Variants in EPHA6 observed in about 807,000 individuals in gnomAD.
The protein encoded by EPHA6 is ephrin type-A receptor 6.
A neutral mutation model predicts 112.0 loss-of-function variants in EPHA6; 50 were observed. The observed-to-expected ratio is 0.45, with a 90% CI of 0.36 to 0.56. The LOEUF is 0.56. EPHA6 is among the 20% of genes least tolerant of loss of function. EPHA6 has a pLI of 0.00. For missense variants in EPHA6, 1,280 were observed against 1,417.4 expected (o/e 0.90, Z 1.56); for synonymous variants, 529 against 490.7 (o/e 1.08, Z -1.03).
chr3:97,003,570 G>T (rs1427818343), intron 3 of EPHA6, among the ~76,000 whole-genome samples: 1 of 152,152 alleles, frequency 6.6e-6, no homozygotes, highest in Non-Finnish European at 1.5e-5. Flanking sequence ...AGGCTGACTT[G>T]TAGGATACAA....
At chr3:97,101,115 C>A (rs904223001) in intron 3 of EPHA6, among the ~76,000 whole-genome samples, 1 of 151,898 alleles carries the variant, frequency 6.6e-6, no homozygotes, top group Non-Finnish European at 1.5e-5. Flanking sequence ...ATTATCATAA[C>A]TATATTTTTG....
rs372208923 is a variant in EPHA6, at chr3:97,251,154, C to T, written c.1606+6867C>T. 4.6e-5 allele frequency among the ~76,000 whole-genome samples: 7 copies of T among 152,204 alleles called. No individual in the cohort carries two copies. The South Asian group carries it at 6.2e-4, about 14-fold the overall frequency. On this transcript the variant is annotated intron_variant, in intron 5 of 17. Coordinates refer to ENST00000389672, the MANE Select transcript of EPHA6 (RefSeq NM_001080448.3). Reference sequence around the variant, plus strand: ...GTACTGGGATTACAGGCATGAGCCACGGCACCTGGCCATTTGTGATATTTT... The same window carrying T: ...GTACTGGGATTACAGGCATGAGCCATGGCACCTGGCCATTTGTGATATTTT...
At chr3:97,253,895 C>T (rs1349066733) in intron 5 of EPHA6, among the ~76,000 whole-genome samples, 1 of 151,832 alleles carries the variant, frequency 6.6e-6, no homozygotes, top group African/African-American at 2.4e-5. Flanking sequence ...TAGCTATGCC[C>T]TGTATCATAA....
intron 13 of EPHA6, among the ~76,000 whole-genome samples, chr3:97,621,627 C>A (rs957182337): frequency 6.6e-6 from 1 of 151,430 alleles, no homozygotes; most frequent in Non-Finnish European, 1.5e-5. Flanking sequence ...TCTGAAGGGC[C>A]CCATGGATGG....
chr3:97,017,814 G>A (rs72918222), intron 3 of EPHA6, among the ~76,000 whole-genome samples: 6,397 of 151,976 alleles, frequency 0.042, 428 homozygotes, highest in African/African-American at 0.14. Context: ...ATTGTATTTG[G>A]ATATGGACAT....
chr3:97,290,423 GTGGAGTTTTC>G (rs2080636125), intron 5 of EPHA6, among the ~76,000 whole-genome samples: 1 of 152,134 alleles, frequency 6.6e-6, no homozygotes, highest in African/African-American at 2.4e-5. Context: ...TGGCTGATGG[GTGGAGTTTTC>G]TCTAAATGTC....
intron 5 of EPHA6, among the ~76,000 whole-genome samples, chr3:97,309,439 A>C (rs1368509963): frequency 6.6e-6 from 1 of 151,632 alleles, no homozygotes; most frequent in Non-Finnish European, 1.5e-5. Context: ...CCAAAACTAA[A>C]TATCAACTAT....
At chr3:97,613,744 T>TCA in intron 13 of EPHA6, among the ~76,000 whole-genome samples, 1 of 152,286 alleles carries the variant, frequency 6.6e-6, no homozygotes, top group East Asian at 1.9e-4. Flanking sequence ...AAGCAAATCA[T>TCA]CAGCAGCCTG....
chr3:97,546,681 C>G (rs2092954875), intron 11 of EPHA6, among the ~76,000 whole-genome samples: 1 of 152,188 alleles, frequency 6.6e-6, no homozygotes, highest in Non-Finnish European at 1.5e-5. Context: ...GTTCCATTCT[C>G]CCCATCACTT....
intron 14 of EPHA6, among the ~76,000 whole-genome samples, chr3:97,692,255 A>G (rs998689190): frequency 2.6e-5 from 4 of 152,192 alleles, no homozygotes; most frequent in African/African-American, 9.7e-5. Context: ...TGTTCTTAAT[A>G]GGTATGCAAA....
intron 11 of EPHA6, among the ~76,000 whole-genome samples, chr3:97,568,283 A>G (rs748538240): frequency 6.6e-6 from 1 of 152,198 alleles, no homozygotes; most frequent in Non-Finnish European, 1.5e-5. Context: ...AGAGAATCAC[A>G]CTGTATTCCT....
At chr3:97,474,081 T>A (rs2091302931) in intron 7 of EPHA6, among the ~76,000 whole-genome samples, 1 of 151,882 alleles carries the variant, frequency 6.6e-6, no homozygotes, top group African/African-American at 2.4e-5. Flanking sequence ...GTTGAAGGCT[T>A]AGACATTCTG....
intron 10 of EPHA6, among the ~76,000 whole-genome samples, chr3:97,524,564 G>A (rs1406418371): frequency 2.6e-5 from 4 of 151,742 alleles, no homozygotes; most frequent in African/African-American, 9.7e-5. Context: ...TTTACCTTTA[G>A]TAGTAAGCTT....
intron 3 of EPHA6, among the ~76,000 whole-genome samples, chr3:97,106,130 C>A (rs1357927326): frequency 6.6e-6 from 1 of 151,876 alleles, no homozygotes; most frequent in Admixed American, 6.6e-5. Flanking sequence ...CAAATTTTTG[C>A]CTGCAATAGA....
At chr3:97,171,005 A>G (rs926675481) in intron 3 of EPHA6, among the ~76,000 whole-genome samples, 3 of 152,178 alleles carry the variant, frequency 2.0e-5, no homozygotes, top group African/African-American at 4.8e-5. Context: ...AATTCAAAAA[A>G]TGTAACTTGA....
intron 5 of EPHA6, among the ~76,000 whole-genome samples, chr3:97,250,485 C>T (rs981619257): frequency 6.6e-6 from 1 of 152,056 alleles, no homozygotes; most frequent in Non-Finnish European, 1.5e-5. Context: ...TTTGGTGCCT[C>T]TATTACTATA....
At chr3:96,996,013 G>A in intron 3 of EPHA6, among the ~76,000 whole-genome samples, 1 of 152,090 alleles carries the variant, frequency 6.6e-6, no homozygotes, top group East Asian at 1.9e-4. Flanking sequence ...TTTCAAAATT[G>A]GAGTCAGTCC....
intron 3 of EPHA6, among the ~76,000 whole-genome samples, chr3:97,168,616 T>C (rs2076604134): frequency 8.3e-6 from 1 of 120,236 alleles, no homozygotes; most frequent in Non-Finnish European, 1.6e-5. Context: ...TCTGTCTCTG[T>C]CTCTCTCTTT....
At chr3:97,358,675 T>A (rs990947065) in intron 5 of EPHA6, among the ~76,000 whole-genome samples, 6 of 152,160 alleles carry the variant, frequency 3.9e-5, no homozygotes, top group Non-Finnish European at 5.9e-5. Context: ...GGCCTCAAGT[T>A]ACTTACTGTC....
Sources: allele counts gnomAD v4.1 joint callset (sites outside exome capture counted in the v4.1 genomes callset), GRCh38; gene constraint gnomAD v4.1.1; transcripts MANE v1.5; gene names NCBI Gene and HGNC (gene_info 2026-07-23, HGNC 2026-07-21).